THSD4: variants seen among roughly 807,000 people sequenced by gnomAD.
THSD4 encodes the protein thrombospondin type 1 domain containing 4, also known as thrombospondin type-1 domain-containing protein 4.
A neutral mutation model predicts 119.0 loss-of-function variants in THSD4; 69 were observed. That is an observed-to-expected ratio of 0.58 (90% CI 0.48 to 0.71). THSD4 has a LOEUF of 0.71. Among genes scored for constraint, THSD4 ranks in the 30% least tolerant of loss-of-function variants. The probability of loss-of-function intolerance (pLI) is 0.00; values close to 1 mark genes in which losing one functional copy is unlikely to be tolerated. For synonymous variants in THSD4, 524 were observed against 540.4 expected (o/e 0.97, Z 0.42); for missense variants, 1,393 against 1,391.1 (o/e 1.00, Z -0.02).
At chr15:71,650,826 C>T (rs1009055553) in intron 7 of THSD4, among the ~76,000 whole-genome samples, 1 of 152,200 alleles carries the variant, frequency 6.6e-6, no homozygotes, top group Non-Finnish European at 1.5e-5. Context: ...CAGCATGTTG[C>T]TCCACACCGC....
intron 7 of THSD4, among the ~76,000 whole-genome samples, chr15:71,430,137 G>C (rs1190776322): frequency 6.6e-6 from 1 of 151,898 alleles, no homozygotes; most frequent in African/African-American, 2.4e-5. Flanking sequence ...GCTTCAGCTT[G>C]TAGGGCCTTA....
intron 7 of THSD4, among the ~76,000 whole-genome samples, chr15:71,599,037 TC>T (rs1306611539): frequency 6.6e-6 from 1 of 152,126 alleles, no homozygotes; most frequent in Non-Finnish European, 1.5e-5. Context: ...CGACCTTTTT[TC>T]CCCCTCTGAA....
intron 1 of THSD4, among the ~76,000 whole-genome samples, chr15:71,105,775 G>A (rs529423415): frequency 6.6e-6 from 1 of 152,266 alleles, no homozygotes; most frequent in African/African-American, 2.4e-5. Context: ...AATTCTCAAA[G>A]GAACAAATTC....
chr15:71,730,116 A>G (rs1374448531), intron 9 of THSD4: 1 of 152,216 alleles, frequency 6.6e-6, no homozygotes, highest in Non-Finnish European at 1.5e-5. Context: ...TGACTCAGAG[A>G]TGCTTCTAGC....
intron 6 of THSD4, among the ~76,000 whole-genome samples, chr15:71,339,847 C>T (rs903451026): frequency 1.3e-5 from 2 of 152,116 alleles, no homozygotes; most frequent in South Asian, 4.1e-4. Flanking sequence ...TCACTGCAAC[C>T]TCTGCCTCCT....
chr15:71,215,151 C>T lies in THSD4; in HGVS notation c.216C>T (p.Gly72=). 1 of 1,371,668 alleles carries T rather than the reference C, an allele frequency of 7.3e-7. No individual in the cohort carries two copies. Among genetic ancestry groups the T allele is most frequent in the Non-Finnish European group, 9.4e-7 (1 of 1,059,552 alleles). The allele number at this position is 1,371,668 out of a possible 1,614,324, so 85.0% of individuals were successfully genotyped here. A position where few individuals can be genotyped will look rare whatever the true frequency, so the allele number is the denominator to read the frequency against. ...WSACSRSCSG[G]VMEQTRPCLP... is the part of the protein sequence containing the mutation. ...CCTGCTCGCGTAGCTGCAGCGGCGG[C>T]GTGATGGAGCAGACGCGGCCCTGCC... The change falls in exon 4 of 18, where the codon GGC becomes GGT. Residue 72 remains glycine, a synonymous_variant. Coordinates refer to ENST00000261862, the MANE Select transcript of THSD4 (RefSeq NM_024817.3).
In THSD4 at chr15:71,735,468, C is replaced by T. The variant is rs994331679; in HGVS notation, c.1631-2264C>T. On this transcript the variant is annotated intron_variant, in intron 10 of 17. Coordinates refer to ENST00000261862, the MANE Select transcript of THSD4 (RefSeq NM_024817.3). Reference sequence around the variant, plus strand: ...TCTTTCTCACTCTCTCTCTCTCTCTCTCTTTCTCACTAGCTCTCTGTCTTG... The same window carrying T: ...TCTTTCTCACTCTCTCTCTCTCTCTTTCTTTCTCACTAGCTCTCTGTCTTG... Among the ~76,000 whole-genome samples the T allele has an allele frequency of 2.6e-5, 4 of 151,662 alleles. No homozygotes were observed. The South Asian group carries it at 6.3e-4, about 24-fold the overall frequency.
At chr15:71,199,749 G>T (rs1474848832) in intron 3 of THSD4, among the ~76,000 whole-genome samples, 1 of 146,848 alleles carries the variant, frequency 6.8e-6, no homozygotes, top group African/African-American at 2.6e-5. Context: ...GTGTGTGTGG[G>T]TGTGTGTGAT....
rs1379506089 is a variant in THSD4, at chr15:71,532,283, A to AGAGT, written c.1152+120461_1152+120462insAGTG. 1.7e-3 allele frequency among the ~76,000 whole-genome samples: 176 copies of AGAGT among 101,644 alleles called. 2 individuals carry two copies. The highest frequency in any genetic ancestry group is 6.5e-3 in the South Asian group (16 of 2,464). The allele number at this position is 101,644 out of a possible 152,430, so 66.7% of individuals were successfully genotyped here. On this transcript the variant is annotated intron_variant, in intron 7 of 17. Coordinates refer to ENST00000261862, the MANE Select transcript of THSD4 (RefSeq NM_024817.3). The stretch of plus-strand genomic sequence containing the variant: ...AAGGGTGAGAGAGAGAGAGAGAGAG[A>AGAGT]GTGTGTGTGTGTGTGTGTGTGTGTG...
At chr15:71,760,032 T>C (rs534616764) in intron 15 of THSD4, among the ~76,000 whole-genome samples, 1 of 152,310 alleles carries the variant, frequency 6.6e-6, no homozygotes, top group African/African-American at 2.4e-5. Flanking sequence ...CATGCTTATT[T>C]CTTGAAAGGT....
intron 6 of THSD4, among the ~76,000 whole-genome samples, chr15:71,375,947 ACT>A (rs2046130269): frequency 1.3e-5 from 2 of 151,910 alleles, no homozygotes; most frequent in Non-Finnish European, 2.9e-5. Context: ...TTCTACTATG[ACT>A]CTGTATTATT....
rs577249817 is a variant in THSD4, at chr15:71,690,755, T to C, written c.1357+30021T>C. Among the ~76,000 whole-genome samples, 20 of 152,264 alleles carry C rather than the reference T, an allele frequency of 1.3e-4. No homozygotes were observed. The South Asian group carries it at 1.7e-3, about 13-fold the overall frequency. The stretch of plus-strand genomic sequence containing the variant: ...GATGGCAGCAGGCAAAAAAAGGTTG[T>C]GCAGGGAAACTCCTCCTTATAAAAC... On this transcript the variant is annotated intron_variant, in intron 8 of 17. Transcript: ENST00000261862.
In THSD4 at chr15:71,346,111, T is replaced by A. The variant is rs941861482; in HGVS notation, c.1016-65576T>A. ...TCTGATTCAGAATCACACGCTGTAT[T>A]TAGTTGTCGCATCTCTGGTCTCCTT... On this transcript the variant is annotated intron_variant, in intron 6 of 17. Transcript: ENST00000261862. Among the ~76,000 whole-genome samples, 32 of 99,430 alleles carry A rather than the reference T, an allele frequency of 3.2e-4. 2 individuals are homozygous for A. The highest frequency in any genetic ancestry group is 4.7e-5 in the Non-Finnish European group (2 of 42,622). 65.2% of individuals were successfully genotyped at this position (99,430 alleles called of 152,430 possible). A position where few individuals can be genotyped will look rare whatever the true frequency, so the allele number is the denominator to read the frequency against.
upstream of THSD4, among the ~76,000 whole-genome samples, chr15:71,114,661 T>G (rs945768828): frequency 6.6e-6 from 1 of 152,224 alleles, no homozygotes; most frequent in Admixed American, 6.5e-5. Context: ...CATGCCCTTT[T>G]GGGGGCAATA....
At chr15:71,294,762 T>A (rs2044839416) in intron 6 of THSD4, among the ~76,000 whole-genome samples, 1 of 152,160 alleles carries the variant, frequency 6.6e-6, no homozygotes, top group African/African-American at 2.4e-5. Context: ...TTTCTTTCCC[T>A]TGGCAAAGAT....
intron 6 of THSD4, among the ~76,000 whole-genome samples, chr15:71,363,633 T>A (rs142303215): frequency 3.3e-4 from 51 of 152,330 alleles, no homozygotes; most frequent in Non-Finnish European, 6.8e-4. Flanking sequence ...AAGATTTTAT[T>A]TAACTCATTA....
chr15:71,361,858 A>T (rs1425339005), intron 6 of THSD4, among the ~76,000 whole-genome samples: 1 of 152,250 alleles, frequency 6.6e-6, no homozygotes, highest in African/African-American at 2.4e-5. Flanking sequence ...CGAGTCACCA[A>T]AATAAAGTGT....
At chr15:71,138,674 C>T (rs1187257441) in intron 1 of THSD4, among the ~76,000 whole-genome samples, 12 of 152,080 alleles carry the variant, frequency 7.9e-5, no homozygotes, top group Non-Finnish European at 1.6e-4. Flanking sequence ...AGGCCAACTC[C>T]TACTCACCCC....
Position 71,575,867 on chromosome 15 carries a change from G to T in THSD4, c.1153-84663G>T, listed in dbSNP as rs572367899. ...AGAAAGTTGTCTGTCTGTGGGCTAG[G>T]CTCTGCCTGCAAGATACTTACAATC... On this transcript the variant is annotated intron_variant, in intron 7 of 17. Coordinates refer to ENST00000261862, the MANE Select transcript of THSD4 (RefSeq NM_024817.3). Among the ~76,000 whole-genome samples, 4 of 152,314 alleles carry T rather than the reference G, an allele frequency of 2.6e-5. No individual in the cohort carries two copies. The South Asian group carries it at 8.3e-4, about 32-fold the overall frequency.
Sources: allele counts gnomAD v4.1 joint callset (sites outside exome capture counted in the v4.1 genomes callset), GRCh38; gene constraint gnomAD v4.1.1; transcripts MANE v1.5; gene names NCBI Gene and HGNC (gene_info 2026-07-23, HGNC 2026-07-21).